NYAP2: variants seen among roughly 807,000 people sequenced by gnomAD.
The protein encoded by NYAP2 is neuronal tyrosine-phosphorylated phosphoinositide-3-kinase adapter 2.
Under a neutral mutation model 50.4 loss-of-function variants are expected in NYAP2, and 23 were observed. That is an observed-to-expected ratio of 0.46 (90% CI 0.33 to 0.65). NYAP2 has a LOEUF of 0.65. NYAP2 is among the 30% of genes least tolerant of loss of function. The probability of loss-of-function intolerance (pLI) is 0.02; values close to 1 mark genes in which losing one functional copy is unlikely to be tolerated. For synonymous variants in NYAP2, 394 were observed against 365.2 expected (o/e 1.08, Z -0.90); for missense variants, 885 against 861.0 (o/e 1.03, Z -0.35).
intron 3 of NYAP2, among the ~76,000 whole-genome samples, chr2:225,437,097 T>C (rs1230019306): frequency 6.6e-6 from 1 of 152,082 alleles, no homozygotes; most frequent in Non-Finnish European, 1.5e-5. Context: ...TATATATGTA[T>C]ATATAGCACC....
At chr2:225,633,838 A>T (rs1693364074) in intron 6 of NYAP2, among the ~76,000 whole-genome samples, 1 of 152,216 alleles carries the variant, frequency 6.6e-6, no homozygotes, top group Non-Finnish European at 1.5e-5. Context: ...TTAGAAAACA[A>T]TTGAGTAGAA....
intron 5 of NYAP2, among the ~76,000 whole-genome samples, chr2:225,613,665 T>C (rs1392146257): frequency 2.0e-5 from 3 of 152,208 alleles, no homozygotes; most frequent in Non-Finnish European, 2.9e-5. Context: ...GCTGCTGTTA[T>C]AAGACATCAT....
chr2:225,535,973 T>A (rs892222749), intron 4 of NYAP2, among the ~76,000 whole-genome samples: 6 of 152,208 alleles, frequency 3.9e-5, no homozygotes. Context: ...TCATTAAATG[T>A]TTGCTGTTGA....
intron 4 of NYAP2, among the ~76,000 whole-genome samples, chr2:225,520,685 A>G (rs898494820): frequency 3.9e-5 from 6 of 152,144 alleles, no homozygotes; most frequent in Non-Finnish European, 8.8e-5. Context: ...GCCTTGTAGT[A>G]TAGTTTGAAA....
chr2:225,492,269 T>G (rs1690422287), intron 3 of NYAP2, among the ~76,000 whole-genome samples: 1 of 152,170 alleles, frequency 6.6e-6, no homozygotes, highest in Admixed American at 6.5e-5. Flanking sequence ...AGAAGTATAT[T>G]TACATTCTAA....
At chr2:225,603,297 T>C (rs1692728399) in intron 5 of NYAP2, among the ~76,000 whole-genome samples, 1 of 152,182 alleles carries the variant, frequency 6.6e-6, no homozygotes, top group Admixed American at 6.5e-5. Context: ...GGTGCTAGCA[T>C]CTTTATTTTG....
the NYAP2 span, among the ~76,000 whole-genome samples, chr2:225,685,224 CAT>C: frequency 6.6e-6 from 1 of 152,112 alleles, no homozygotes; most frequent in Non-Finnish European, 1.5e-5. Flanking sequence ...GGATAAACCA[CAT>C]GTTTACTGAG....
chr2:225,547,362 T>C (rs1317570112), intron 4 of NYAP2, among the ~76,000 whole-genome samples: 1 of 152,226 alleles, frequency 6.6e-6, no homozygotes, highest in Non-Finnish European at 1.5e-5. Flanking sequence ...TCCACTGGCT[T>C]TGAGCCCAGG....
At chr2:225,497,702 CTAGTGGTCACACAATGATT>C (rs1484787189) in intron 3 of NYAP2, among the ~76,000 whole-genome samples, 5 of 152,148 alleles carry the variant, frequency 3.3e-5, no homozygotes, top group African/African-American at 4.8e-5. Context: ...AATGAATTCT[CTAGTGGTCACACAATGATT>C]TAGGAGCAGT....
intron 5 of NYAP2, among the ~76,000 whole-genome samples, chr2:225,589,516 A>AAAAAATATATATATATATATATATATAT (rs112700820): frequency 7.0e-5 from 5 of 71,354 alleles, no homozygotes; most frequent in Non-Finnish European, 1.3e-4. Flanking sequence ...CTAAAAGTAA[A>AAAAAATATATATATATATATATATATAT]ATATATATAT....
intron 3 of NYAP2, among the ~76,000 whole-genome samples, chr2:225,486,022 C>T (rs928927276): frequency 6.6e-6 from 1 of 152,124 alleles, no homozygotes; most frequent in Non-Finnish European, 1.5e-5. Context: ...AAACTGCCCC[C>T]ACTTCTCTCC....
chr2:225,577,777 A>G (rs1692193819), intron 4 of NYAP2, among the ~76,000 whole-genome samples: 1 of 151,374 alleles, frequency 6.6e-6, no homozygotes, highest in African/African-American at 2.4e-5. Context: ...ATGAGATTAC[A>G]AGGACGGATG....
chr2:225,503,520 A>G (rs993949645), intron 3 of NYAP2, among the ~76,000 whole-genome samples: 3 of 152,210 alleles, frequency 2.0e-5, no homozygotes, highest in Non-Finnish European at 4.4e-5. Context: ...AATAAGCATT[A>G]TATTTCTGTC....
the NYAP2 span, among the ~76,000 whole-genome samples, chr2:225,672,144 G>T: frequency 6.6e-6 from 1 of 152,036 alleles, no homozygotes; most frequent in Non-Finnish European, 1.5e-5. Context: ...TTTGAAACCA[G>T]GTATTGACTT....
At chr2:225,409,716 A>G (rs1370148171) in intron 3 of NYAP2, among the ~76,000 whole-genome samples, 6 of 152,068 alleles carry the variant, frequency 3.9e-5, no homozygotes, top group Admixed American at 2.6e-4. Flanking sequence ...TGGCCTTCCA[A>G]ATTGAGGTTA....
At chr2:225,672,976 T>TTTAGTTAATAA in the NYAP2 span, among the ~76,000 whole-genome samples, 2 of 151,976 alleles carry the variant, frequency 1.3e-5, no homozygotes, top group Non-Finnish European at 2.9e-5. Context: ...TTTTAGTCTG[T>TTTAGTTAATAA]TCTCACACTG....
At chr2:225,554,276 T>A (rs975255138) in intron 4 of NYAP2, among the ~76,000 whole-genome samples, 1 of 151,512 alleles carries the variant, frequency 6.6e-6, no homozygotes, top group Non-Finnish European at 1.5e-5. Context: ...ACAGAAAAAT[T>A]TCCCAATCTA....
intron 5 of NYAP2, among the ~76,000 whole-genome samples, chr2:225,595,770 A>T (rs1692585680): frequency 6.6e-6 from 1 of 152,196 alleles, no homozygotes; most frequent in Non-Finnish European, 1.5e-5. Flanking sequence ...CAGAAGCTTG[A>T]TTCTATGTCC....
intron 2 of NYAP2, among the ~76,000 whole-genome samples, chr2:225,405,994 T>G (rs796092614): frequency 3.9e-5 from 6 of 152,148 alleles, no homozygotes; most frequent in African/African-American, 1.4e-4. Context: ...TAGCCACATT[T>G]AAGAATTGGG....
Sources: allele counts gnomAD v4.1 joint callset (sites outside exome capture counted in the v4.1 genomes callset), GRCh38; gene constraint gnomAD v4.1.1; transcripts MANE v1.5; gene names NCBI Gene and HGNC (gene_info 2026-07-23, HGNC 2026-07-21).